MDN1: variants seen among roughly 807,000 people sequenced by gnomAD.
MDN1 encodes midasin.
Under a neutral mutation model 669.2 loss-of-function variants are expected in MDN1, and 266 were observed. The ratio of observed to expected loss-of-function variants is 0.40; its 90% CI spans 0.36 to 0.44. The LOEUF (loss-of-function observed/expected upper bound fraction) is 0.44. Ranked by LOEUF, MDN1 falls within the 20% of genes least tolerant of loss-of-function variation. The pLI, the probability that MDN1 is intolerant of heterozygous loss-of-function variation, is 1.00. For synonymous variants in MDN1, 2,385 were observed against 2,457.1 expected, an observed-to-expected ratio of 0.97 and a Z score of 0.87; for missense variants, 5,940 against 6,754.0, an observed-to-expected ratio of 0.88 and a Z score of 4.22.
chr6:89,765,500 G>A (rs1817766634), intron 15 of MDN1, among the ~76,000 whole-genome samples: 1 of 152,136 alleles, frequency 6.6e-6, no homozygotes, highest in South Asian at 2.1e-4. Flanking sequence ...TTATTCTAAA[G>A]ATAAAGTCTC....
At position 89,694,055 on chromosome 6, in the gene MDN1, A is replaced by C; in HGVS notation, c.9881+19T>G. Reference sequence around the variant, plus strand: ...AGAGTCAATAATCCCCAAAACAAATAATCACTCTGCTGTGTTACCTGACGT... The same window carrying C: ...AGAGTCAATAATCCCCAAAACAAATCATCACTCTGCTGTGTTACCTGACGT... On this transcript the variant is annotated intron_variant, in intron 62 of 101. Coordinates refer to ENST00000369393, the MANE Select transcript of MDN1 (RefSeq NM_014611.3). The C allele has an allele frequency of 1.3e-6, 2 of 1,594,246 alleles. No homozygotes were observed. Among genetic ancestry groups the C allele is most frequent in the Non-Finnish European group, 1.7e-6 (2 of 1,161,890 alleles).
At chr6:89,723,369 G>A in intron 39 of MDN1, 143 bp downstream of exon 39, 5 of 669,586 alleles carry the variant, frequency 7.5e-6, no homozygotes, top group Non-Finnish European at 1.2e-5. Context: ...ACTACATAGT[G>A]TCCCTTCCAC....
Position 89,673,236 on chromosome 6 carries a change from C to T in MDN1, c.13474G>A (p.Gly4492Arg), listed in dbSNP as rs1424998959. ...TCCCTGACTGAACAATATTCCTTACCTCCTTGGCTATCTGAAGTAAGCAGA... is the reference window on the plus strand; with the variant it reads ...TCCCTGACTGAACAATATTCCTTACTTCCTTGGCTATCTGAAGTAAGCAGA... Reference protein sequence around the residue: ...THLLTSDSQGGNQMLDEGFVE... With the variant: ...THLLTSDSQGRNQMLDEGFVE... Residue 4492 changes from glycine (G) to arginine (R), a missense_variant and splice_region_variant, in exon 80 of 102, where the codon GGA (glycine) becomes AGA (arginine). This residue lies in a region of MDN1 where 2,280 missense variants were observed against 2,576.3 expected (regional missense o/e 0.88). Coordinates refer to ENST00000369393, the MANE Select transcript of MDN1 (RefSeq NM_014611.3). 1.9e-6 allele frequency: 3 copies of T among 1,610,904 alleles called. No homozygotes were observed. The highest frequency in any genetic ancestry group is 1.7e-6 in the Non-Finnish European group (2 of 1,177,066).
chr6:89,794,392 T>C (rs1819458203), intron 3 of MDN1, among the ~76,000 whole-genome samples, 185 bp from the exon 4 acceptor site: 1 of 152,182 alleles, frequency 6.6e-6, no homozygotes, highest in Non-Finnish European at 1.5e-5. Flanking sequence ...TGAAACTCCA[T>C]TCATATCATC....
chr6:89,685,909 C>G lies in MDN1; in HGVS notation c.11637G>C (p.Ser3879=). ...STLQAFIEGS[S]LGEFHVRLQM... ...GAAGTCGCACATGGAACTCTCCCAGCGAGGATCCTTCAATAAATGCTTGTA... is the reference window on the plus strand; with the variant it reads ...GAAGTCGCACATGGAACTCTCCCAGGGAGGATCCTTCAATAAATGCTTGTA... Residue 3879 remains serine (S), a synonymous_variant, in exon 70 of 102, where the codon TCG becomes TCC. Transcript: ENST00000369393. The G allele has an allele frequency of 6.2e-7, 1 of 1,614,082 alleles. No homozygotes were observed. The highest frequency in any genetic ancestry group is 8.5e-7 in the Non-Finnish European group (1 of 1,179,996).
At chr6:89,709,566 G>A (rs1813745006) in intron 50 of MDN1, among the ~76,000 whole-genome samples, 1 of 152,168 alleles carries the variant, frequency 6.6e-6, no homozygotes, top group Non-Finnish European at 1.5e-5. Flanking sequence ...TTTCTCTATT[G>A]TTTGATTTCT....
intron 15 of MDN1, among the ~76,000 whole-genome samples, chr6:89,765,238 CAG>C (rs1817753355): frequency 7.1e-6 from 1 of 139,970 alleles, no homozygotes; most frequent in South Asian, 2.3e-4. Flanking sequence ...GCCTGGGAGA[CAG>C]AGTGAGACTA....
intron 7 of MDN1, among the ~76,000 whole-genome samples, chr6:89,788,670 T>C (rs1285364251): frequency 6.6e-6 from 1 of 152,066 alleles, no homozygotes; most frequent in Non-Finnish European, 1.5e-5. Flanking sequence ...AGAAAAGAAA[T>C]AATTCCATTT....
Position 89,688,101 on chromosome 6 carries a change from C to G in MDN1, c.11332G>C (p.Glu3778Gln). The change falls in exon 67 of 102, where the codon GAG (glutamate) becomes CAG (glutamine). Residue 3778 changes from glutamate to glutamine, a missense_variant. Glu to Gln is a conservative substitution (Grantham distance 29, BLOSUM62 2). Around this residue, in one of 5 missense-constraint regions of MDN1, gnomAD observed 2,280 missense variants for 2,576.3 expected, o/e 0.88. Transcript: ENST00000369393. ...SPISKFLNGL[E>Q]ILLAKAQDWE... Reference sequence around the variant, plus strand: ...ACCTGTGCCTTTGCCAGAAGGATCTCTAAGCCATTCAGGAACTTTGAGATG... The same window carrying G: ...ACCTGTGCCTTTGCCAGAAGGATCTGTAAGCCATTCAGGAACTTTGAGATG... The G allele has an allele frequency of 6.2e-7, 1 of 1,614,100 alleles. No homozygotes were observed. Among genetic ancestry groups the G allele is most frequent in the Admixed American group, 1.7e-5 (1 of 60,028 alleles).
chr6:89,718,160 A>G (rs1814536922), intron 43 of MDN1, among the ~76,000 whole-genome samples: 1 of 152,200 alleles, frequency 6.6e-6, no homozygotes, highest in Admixed American at 6.5e-5. Context: ...CAACGTAACC[A>G]ATTTTTTTCC....
chr6:89,678,552 T>A (rs1307328183), intron 75 of MDN1, 47 bp downstream of exon 75: 1 of 1,596,122 alleles, frequency 6.3e-7, no homozygotes, highest in Admixed American at 1.7e-5. Context: ...TTTCTCTCCC[T>A]AAAAGTTGGT....
At chr6:89,711,917 G>A (rs1031639921) in intron 49 of MDN1, 119 bp downstream of exon 49, 2 of 899,476 alleles carry the variant, frequency 2.2e-6, no homozygotes, top group Non-Finnish European at 3.4e-6. Flanking sequence ...TTCTTCCTAG[G>A]AGACCTCCCA....
chr6:89,674,004 G>T, intron 79 of MDN1, 100 bp downstream of exon 79: 1 of 1,349,258 alleles, frequency 7.4e-7, no homozygotes. Context: ...TCTAAAAGCT[G>T]CTGCTTTCTG....
intron 46 of MDN1, among the ~76,000 whole-genome samples, chr6:89,713,911 G>A (rs1388516472): frequency 6.6e-6 from 1 of 151,844 alleles, no homozygotes; most frequent in Non-Finnish European, 1.5e-5. Context: ...GGTGGCAGGT[G>A]CCTGTAGTCC....
chr6:89,685,774 C>T (rs1170352124), intron 70 of MDN1, 53 bp downstream of exon 70: 1 of 1,587,596 alleles, frequency 6.3e-7, no homozygotes, highest in African/African-American at 1.4e-5. Flanking sequence ...GAATTCAAAG[C>T]CTAACTCATT....
In MDN1 at chr6:89,741,836, C is replaced by T. The variant is rs149159493; in HGVS notation, c.4448+1314G>A. ...CTAGCCTCGGCCGGGCACAGTGGCT[C>T]ACGCCTGTAATCCCAGCACTTTGGG... On this transcript the variant is annotated intron_variant, in intron 31 of 101. Transcript: ENST00000369393. Among the ~76,000 whole-genome samples, 598 of 152,334 alleles carry T rather than the reference C, an allele frequency of 3.9e-3. 3 individuals carry two copies. Among genetic ancestry groups the T allele is most frequent in the African/African-American group, 0.014 (577 of 41,576 alleles).
intron 3 of MDN1, 48 bp downstream of exon 3, chr6:89,794,529 T>C: frequency 6.5e-7 from 1 of 1,542,256 alleles, no homozygotes. Context: ...ACACATGCCC[T>C]GTACCATCCC....
At chr6:89,746,611 A>AAAAGAAAGAAAG (rs35724331) in intron 27 of MDN1, among the ~76,000 whole-genome samples, 568 of 40,496 alleles carry the variant, frequency 0.014, 10 homozygotes, top group African/African-American at 0.039. Context: ...AAAAAAAAAA[A>AAAAGAAAGAAAG]AAAGAAAGAA....
At chr6:89,797,789 GA>G in intron 2 of MDN1, 2 of 292,346 alleles carry the variant, frequency 6.8e-6, no homozygotes, top group Non-Finnish European at 6.8e-6. Flanking sequence ...CCAATAAAGG[GA>G]AAGTATGAGA....
Sources: gnomAD v4.1 joint callset for allele counts (sites outside exome capture counted in the v4.1 genomes callset) on GRCh38, gnomAD v4.1.1 for gene constraint, gnomAD v4.1.1 regional missense constraint, MANE v1.5 for transcripts, NCBI Gene and HGNC (gene_info 2026-07-23, HGNC 2026-07-21) for gene names.